SETDB1: variants seen among roughly 807,000 people sequenced by gnomAD.
SETDB1 encodes the protein histone-lysine N-methyltransferase SETDB1.
SETDB1 carries 31 observed loss-of-function variants against 137.4 expected under a neutral mutation model. That is an observed-to-expected ratio of 0.23 (90% confidence interval 0.17 to 0.30). The LOEUF (loss-of-function observed/expected upper bound fraction) is 0.30. Ranked by LOEUF, SETDB1 falls within the 10% of genes least tolerant of loss-of-function variation. The pLI, the probability that SETDB1 is intolerant of heterozygous loss-of-function variation, is 1.00. For synonymous variants in SETDB1, 548 were observed against 579.9 expected, an observed-to-expected ratio of 0.95 and a Z score of 0.79; for missense variants, 1,113 against 1,631.5, an observed-to-expected ratio of 0.68 and a Z score of 5.47.
At chr1:150,952,148 T>TAAAA (rs587604868) in intron 14 of SETDB1, among the ~76,000 whole-genome samples, 2 of 142,722 alleles carry the variant, frequency 1.4e-5, no homozygotes, top group African/African-American at 5.1e-5. Context: ...GACTCTGCCT[T>TAAAA]AAAAAAAAAA....
chr1:150,928,809 T>G (rs1376979945), intron 2 of SETDB1, among the ~76,000 whole-genome samples: 1 of 152,096 alleles, frequency 6.6e-6, no homozygotes, highest in Non-Finnish European at 1.5e-5. Context: ...GTGTTCTCAT[T>G]GTTCAATTCC....
Position 150,962,650 on chromosome 1 carries a change from C to A in SETDB1, c.3225C>A (p.Arg1075=). The A allele has an allele frequency of 1.2e-6, 2 of 1,613,940 alleles. No individual in the cohort carries two copies. The highest frequency in any genetic ancestry group is 8.5e-7 in the Non-Finnish European group (1 of 1,179,830). ...NPSPVKPEGL[R]RPPSKTSMHQ... ...CTCCTGTGAAGCCTGAAGGACTTCG[C>A]CGCCCACCTAGTAAGACTAGTATGC... is the stretch of plus-strand genomic sequence containing the variant. Residue 1075 remains arginine (R), a synonymous_variant, in exon 18 of 22, where the codon CGC becomes CGA. Transcript: ENST00000692827.
chr1:150,954,110 T>C (rs1295706804), intron 14 of SETDB1, among the ~76,000 whole-genome samples: 1 of 152,108 alleles, frequency 6.6e-6, no homozygotes, highest in Admixed American at 6.6e-5. Flanking sequence ...TGCCTCAGCC[T>C]CCCAAAGTGC....
At position 150,945,114 on chromosome 1, in the gene SETDB1, G is replaced by C. The variant is rs1212041551; in HGVS notation, c.1140+6G>C. On this transcript the variant is annotated splice_donor_region_variant and intron_variant, in intron 9 of 21. Coordinates refer to ENST00000692827, the MANE Select transcript of SETDB1 (RefSeq NM_001366418.1). ...TAGTCAGGATCCTCTTCCTGGTACT[G>C]TTCTTCTCTACAATTTTGGAGGCAG... The C allele has an allele frequency of 6.2e-7, 1 of 1,613,836 alleles. No individual in the cohort carries two copies. Among genetic ancestry groups the C allele is most frequent in the African/African-American group, 1.3e-5 (1 of 74,878 alleles).
At chr1:150,930,222 A>G (rs1171225489) in intron 3 of SETDB1, 104 bp downstream of exon 3, 1 of 1,015,886 alleles carries the variant, frequency 9.8e-7, no homozygotes, top group East Asian at 2.4e-5. Flanking sequence ...ATTGTCACTA[A>G]CTCCATATTT....
At chr1:150,961,324 C>T in intron 16 of SETDB1, 133 bp downstream of exon 16, 1 of 921,688 alleles carries the variant, frequency 1.1e-6, no homozygotes, top group South Asian at 1.6e-5. Flanking sequence ...GTTATCTCTC[C>T]CCCTAACTAG....
chr1:150,937,019 G>A (rs926808226), intron 3 of SETDB1, among the ~76,000 whole-genome samples: 2 of 152,096 alleles, frequency 1.3e-5, no homozygotes, highest in African/African-American at 4.8e-5. Context: ...CAGCTACTGG[G>A]GAGGCAGCGG....
chr1:150,963,982 C>CT lies in SETDB1; in HGVS notation c.3673-11dup. 6.2e-7 allele frequency: 1 copy of CT among 1,612,890 alleles called. No homozygotes were observed. The highest frequency in any genetic ancestry group is 8.5e-7 in the Non-Finnish European group (1 of 1,178,876). The stretch of plus-strand genomic sequence containing the variant: ...TCCCTGGTTCTTATTTGATCCTGTC[C>CT]TTAAACCTACAGCACAGTTGCAGCC... On this transcript the variant is annotated splice_polypyrimidine_tract_variant and intron_variant, in intron 20 of 21. Transcript: ENST00000692827.
chr1:150,927,575 G>C lies in SETDB1; in HGVS notation c.-11-129G>C. ...TCAGATTCTGGAGAATAGGGAGGGA[G>C]AACATGGAATATTTGAATAGAATAA... On this transcript the variant is annotated intron_variant, in intron 1 of 21. Coordinates refer to ENST00000692827, the MANE Select transcript of SETDB1 (RefSeq NM_001366418.1). 3.8e-6 allele frequency: 3 copies of C among 785,902 alleles called. No homozygotes were observed. The South Asian group carries it at 5.4e-5, about 14-fold the overall frequency. 48.7% of individuals were successfully genotyped at this position (785,902 alleles called of 1,614,324 possible).
At position 150,945,053 on chromosome 1, in the gene SETDB1, G is replaced by A. The variant is rs2102700010; in HGVS notation, c.1085G>A (p.Trp362Ter). 1 of 1,614,134 alleles carries A rather than the reference G, an allele frequency of 6.2e-7. No individual in the cohort carries two copies. The highest frequency in any genetic ancestry group is 2.2e-5 in the East Asian group (1 of 44,888). Residue 362 changes from tryptophan (W) to a stop codon, truncating the protein, a stop_gained, in exon 9 of 22, where the codon TGG becomes TAG. Coordinates refer to ENST00000692827, the MANE Select transcript of SETDB1 (RefSeq NM_001366418.1). LOFTEE classifies it high-confidence loss of function. ...ATCAAGACTGAGTGGGAAGGCACGT[G>A]GTGGAAGTCCCGAGTTGAGGAGGTG... The part of the protein sequence containing the change: ...QLIKTEWEGT[W>*]WKSRVEEVDG...
At chr1:150,931,076 G>A (rs1484493724) in intron 3 of SETDB1, among the ~76,000 whole-genome samples, 3 of 151,268 alleles carry the variant, frequency 2.0e-5, no homozygotes, top group African/African-American at 2.4e-5. Context: ...CCTGGCCAAC[G>A]TAGCAAGACC....
chr1:150,933,161 G>C (rs765623285), intron 3 of SETDB1, among the ~76,000 whole-genome samples: 4 of 152,004 alleles, frequency 2.6e-5, no homozygotes, highest in Non-Finnish European at 5.9e-5. Flanking sequence ...CTGGGCTCAA[G>C]TGATCCTCCC....
chr1:150,945,810 G>A (rs1156594418), intron 9 of SETDB1, among the ~76,000 whole-genome samples: 1 of 151,954 alleles, frequency 6.6e-6, no homozygotes, highest in Non-Finnish European at 1.5e-5. Flanking sequence ...TGCATCTTCC[G>A]CCTCCTGGGT....
intron 3 of SETDB1, among the ~76,000 whole-genome samples, chr1:150,938,379 G>T (rs982313253): frequency 1.3e-5 from 2 of 152,038 alleles, no homozygotes; most frequent in Non-Finnish European, 2.9e-5. Context: ...TTTGGGGGAG[G>T]GAGGAATGAG....
chr1:150,943,349 T>C (rs1670222555), intron 7 of SETDB1, among the ~76,000 whole-genome samples: 1 of 152,204 alleles, frequency 6.6e-6, no homozygotes, highest in South Asian at 2.1e-4. Flanking sequence ...TAAATGGTTA[T>C]TGGCAGCATA....
chr1:150,943,561 A>G (rs1329602088), intron 7 of SETDB1, among the ~76,000 whole-genome samples: 1 of 152,222 alleles, frequency 6.6e-6, no homozygotes, highest in Non-Finnish European at 1.5e-5. Context: ...CTGTAATCCC[A>G]GCTACTTGGG....
chr1:150,963,098 G>A lies in SETDB1; in HGVS notation c.3419G>A (p.Gly1140Asp). ...GATGATATCCAGACCATATCCTCTG[G>A]CTCTGAAGGGGATGACTTTGAGGAC... ...DSDDIQTISS[G>D]SEGDDFEDKK... The change falls in exon 19 of 22, where the codon GGC becomes GAC. Residue 1140 changes from glycine (G) to aspartate (D), a missense_variant. By Grantham distance (94) the Gly-to-Asp change is moderately conservative (BLOSUM62 -1). Transcript: ENST00000692827. The A allele has an allele frequency of 6.2e-7, 1 of 1,614,174 alleles. No homozygotes were observed. Among genetic ancestry groups the A allele is most frequent in the Non-Finnish European group, 8.5e-7 (1 of 1,180,008 alleles).
At chr1:150,955,568 ACCT>A (rs1670611936) in intron 14 of SETDB1, among the ~76,000 whole-genome samples, 2 of 152,210 alleles carry the variant, frequency 1.3e-5, no homozygotes, top group South Asian at 2.1e-4. Context: ...CTGTAAAGTC[ACCT>A]CCTCAGAGAG....
intron 5 of SETDB1, among the ~76,000 whole-genome samples, chr1:150,942,041 G>A (rs766148761): frequency 6.6e-6 from 1 of 151,794 alleles, no homozygotes; most frequent in Non-Finnish European, 1.5e-5. Context: ...TCAGGAGCCC[G>A]AGGCAGGAGA....
Sources: gnomAD v4.1 joint callset for allele counts (sites outside exome capture counted in the v4.1 genomes callset) on GRCh38, gnomAD v4.1.1 for gene constraint, MANE v1.5 for transcripts, NCBI Gene and HGNC (gene_info 2026-07-23, HGNC 2026-07-21) for gene names.